The following RANBP17 variants were observed in gnomAD, a reference collection of about 807,000 sequenced individuals.
RANBP17 encodes ran-binding protein 17.
Under a neutral mutation model 141.2 loss-of-function variants are expected in RANBP17, and 158 were observed. That is an observed-to-expected ratio of 1.12 (90% CI 0.98 to 1.28). The LOEUF (loss-of-function observed/expected upper bound fraction) is 1.28, where lower values mean the gene tolerates loss of function less well. RANBP17 is among the 50% of genes most tolerant of loss of function. The probability of loss-of-function intolerance (pLI) is 0.00; values close to 1 mark genes in which losing one functional copy is unlikely to be tolerated. For missense variants in RANBP17, 1,438 were observed against 1,290.7 expected (o/e 1.11, Z -1.75); for synonymous variants, 430 against 450.0 (o/e 0.96, Z 0.56).
At chr5:171,106,170 A>C (rs968366280) in intron 14 of RANBP17, among the ~76,000 whole-genome samples, 10 of 152,222 alleles carry the variant, frequency 6.6e-5, no homozygotes, top group Non-Finnish European at 1.2e-4. Context: ...GAGACTGACA[A>C]AAAACAGTAC....
At chr5:170,879,614 G>A (rs972118723) in intron 2 of RANBP17, among the ~76,000 whole-genome samples, 4 of 152,060 alleles carry the variant, frequency 2.6e-5, no homozygotes, top group Admixed American at 1.3e-4. Context: ...TGTATTTTTG[G>A]TTGAATTTAT....
intron 18 of RANBP17, among the ~76,000 whole-genome samples, chr5:171,195,300 A>G (rs1761908729): frequency 6.6e-6 from 1 of 152,226 alleles, no homozygotes; most frequent in Non-Finnish European, 1.5e-5. Flanking sequence ...GTTGTAAGAA[A>G]GTGAGCTCAT....
chr5:171,234,119 A>G (rs1764380585), intron 22 of RANBP17, among the ~76,000 whole-genome samples: 1 of 152,156 alleles, frequency 6.6e-6, no homozygotes, highest in South Asian at 2.1e-4. Flanking sequence ...TTGCATTATT[A>G]GAGTGGTCAA....
intron 25 of RANBP17, among the ~76,000 whole-genome samples, chr5:171,267,832 C>T (rs1766829993): frequency 2.0e-5 from 3 of 152,022 alleles, no homozygotes; most frequent in Admixed American, 6.6e-5. Context: ...GAAAATGTCA[C>T]TCTATATCAG....
chr5:171,009,692 T>C (rs1779893611), intron 14 of RANBP17, among the ~76,000 whole-genome samples: 1 of 152,090 alleles, frequency 6.6e-6, no homozygotes, highest in Non-Finnish European at 1.5e-5. Context: ...GACCTCAGAA[T>C]GTAAATGTTT....
chr5:170,888,807 A>G (rs943223601), intron 3 of RANBP17, among the ~76,000 whole-genome samples: 2 of 152,116 alleles, frequency 1.3e-5, no homozygotes, highest in Non-Finnish European at 2.9e-5. Flanking sequence ...GTTTCTCACC[A>G]TTAAATATGA....
At chr5:171,295,378 A>G (rs1374402457) in intron 26 of RANBP17, among the ~76,000 whole-genome samples, 1 of 152,138 alleles carries the variant, frequency 6.6e-6, no homozygotes, top group Non-Finnish European at 1.5e-5. Context: ...GAGTAAACCC[A>G]TTCTAACCCC....
intron 22 of RANBP17, among the ~76,000 whole-genome samples, chr5:171,232,995 T>G (rs1764297298): frequency 6.6e-6 from 1 of 152,098 alleles, no homozygotes; most frequent in Admixed American, 6.5e-5. Flanking sequence ...CAGTTGCTGT[T>G]CCAGGTTCTT....
At chr5:171,095,455 T>C (rs1160713038) in intron 14 of RANBP17, among the ~76,000 whole-genome samples, 4 of 152,168 alleles carry the variant, frequency 2.6e-5, no homozygotes, top group Non-Finnish European at 5.9e-5. Context: ...GTTGAACTTA[T>C]GTAGGACATT....
chr5:171,290,204 TA>T (rs1768401982), intron 25 of RANBP17, among the ~76,000 whole-genome samples: 1 of 151,008 alleles, frequency 6.6e-6, no homozygotes, highest in Non-Finnish European at 1.5e-5. Flanking sequence ...CTGTCTCTAC[TA>T]AAAAAATACA....
intron 18 of RANBP17, 118 bp downstream of exon 18, chr5:171,183,548 G>A: frequency 1.5e-6 from 1 of 667,218 alleles, no homozygotes; most frequent in Non-Finnish European, 2.6e-6. Flanking sequence ...TCTTCTGACA[G>A]TTTTCTACAA....
At chr5:171,242,606 A>G in intron 23 of RANBP17, 76 bp from the exon 24 acceptor site, 2 of 1,472,776 alleles carry the variant, frequency 1.4e-6, no homozygotes, top group Admixed American at 2.1e-5. Flanking sequence ...AGTATTATAA[A>G]TGACAATTTT....
intron 12 of RANBP17, among the ~76,000 whole-genome samples, chr5:170,933,461 G>C (rs371142046): frequency 4.3e-4 from 66 of 152,238 alleles, no homozygotes; most frequent in Non-Finnish European, 7.6e-4. Context: ...GCTAGCCTTT[G>C]AATGTGTTTG....
chr5:171,056,818 C>T (rs556100862), intron 14 of RANBP17, among the ~76,000 whole-genome samples: 1 of 152,226 alleles, frequency 6.6e-6, no homozygotes, highest in South Asian at 2.1e-4. Flanking sequence ...CAAATTATAC[C>T]TCAAAAATTT....
chr5:171,275,164 C>T (rs1767409600), intron 25 of RANBP17, among the ~76,000 whole-genome samples: 1 of 152,152 alleles, frequency 6.6e-6, no homozygotes, highest in South Asian at 2.1e-4. Flanking sequence ...AATCCAGTCT[C>T]CAAGTCATTT....
intron 24 of RANBP17, among the ~76,000 whole-genome samples, chr5:171,263,140 G>A (rs561914557): frequency 8.5e-5 from 13 of 152,244 alleles, no homozygotes; most frequent in Admixed American, 6.5e-5. Context: ...TGTAATCTAC[G>A]TCAGGCATAC....
At chr5:171,080,797 C>T (rs2121124) in intron 14 of RANBP17, among the ~76,000 whole-genome samples, 90,098 of 152,054 alleles carry the variant, frequency 0.59, 28,695 homozygotes, top group South Asian at 0.88. Flanking sequence ...GCATAGAACA[C>T]TCTTCATCAT....
intron 22 of RANBP17, among the ~76,000 whole-genome samples, chr5:171,231,366 A>G (rs928709463): frequency 1.3e-5 from 2 of 152,162 alleles, no homozygotes; most frequent in African/African-American, 4.8e-5. Flanking sequence ...TTATATTATC[A>G]CACAAAGAAA....
intron 14 of RANBP17, among the ~76,000 whole-genome samples, chr5:171,154,619 A>G (rs993182800): frequency 2.0e-5 from 3 of 152,342 alleles, no homozygotes; most frequent in Admixed American, 2.0e-4. Flanking sequence ...AGCATTTAAT[A>G]TAGTGTTTAC....
Sources: gnomAD v4.1 joint callset for allele counts (sites outside exome capture counted in the v4.1 genomes callset) on GRCh38, gnomAD v4.1.1 for gene constraint, MANE v1.5 for transcripts, NCBI Gene and HGNC (gene_info 2026-07-23, HGNC 2026-07-21) for gene names.